Variants in ATP2B4 observed in about 807,000 individuals in gnomAD.
ATP2B4 encodes plasma membrane calcium-transporting ATPase 4.
ATP2B4 carries 39 observed loss-of-function variants against 110.3 expected under a neutral mutation model. That is an observed-to-expected ratio of 0.35 (90% CI 0.27 to 0.46). The LOEUF (loss-of-function observed/expected upper bound fraction) is 0.46. ATP2B4 is among the 20% of genes least tolerant of loss of function. ATP2B4 has a pLI of 1.00. For missense variants in ATP2B4, 1,135 were observed against 1,530.9 expected (o/e 0.74, Z 4.32); for synonymous variants, 538 against 571.7 (o/e 0.94, Z 0.84).
rs1260129932 is a variant in ATP2B4 at position 203,654,235 on chromosome 1, C to T, written c.-465+27016C>T. On this transcript the variant is annotated intron_variant, in intron 1 of 20. Transcript: ENST00000357681. ...CTGACCTCAGGTGATCTGCCCACCT[C>T]GGCCTCCCAAAGTGTTGGGATTACA... 5.3e-5 allele frequency among the ~76,000 whole-genome samples: 8 copies of T among 151,820 alleles called. No individual in the cohort carries two copies. In the South Asian group the frequency reaches 6.3e-4, roughly 12 times the overall value.
At chr1:203,683,666 C>CTTTTTTTTTTTTTTTTTTTTTTTTTT (rs11326748) in intron 2 of ATP2B4, among the ~76,000 whole-genome samples, 4 of 77,700 alleles carry the variant, frequency 5.1e-5, no homozygotes, top group Non-Finnish European at 9.4e-5. Context: ...TCTTTTGTTT[C>CTTTTTTTTTTTTTTTTTTTTTTTTTT]TTTTTTTTTT....
chr1:203,706,942 C>A (rs969221801), intron 8 of ATP2B4, 67 bp from the exon 9 acceptor site: 7 of 1,368,622 alleles, frequency 5.1e-6, no homozygotes, highest in South Asian at 1.3e-5. Flanking sequence ...TGATGCCAAT[C>A]TATCTCTGGC....
In ATP2B4 at chr1:203,711,063, G is replaced by A; in HGVS notation, c.1986G>A (p.Leu662=). 11 of 1,614,156 alleles carry A rather than the reference G, an allele frequency of 6.8e-6. No homozygotes were observed. Among genetic ancestry groups the A allele is most frequent in the Non-Finnish European group, 9.3e-6 (11 of 1,180,024 alleles). ...WDNENEILTE[L]TCIAVVGIED... The stretch of plus-strand genomic sequence containing the variant: ...ATGAGAATGAGATCCTCACCGAACT[G>A]ACCTGTATCGCGGTGGTGGGCATTG... Residue 662 remains leucine, a synonymous_variant, in exon 12 of 21, where the codon CTG becomes CTA. Coordinates refer to ENST00000357681, the MANE Select transcript of ATP2B4 (RefSeq NM_001684.5).
intron 1 of ATP2B4, among the ~76,000 whole-genome samples, chr1:203,677,562 A>T (rs1204946005): frequency 6.6e-6 from 1 of 152,172 alleles, no homozygotes; most frequent in Non-Finnish European, 1.5e-5. Context: ...TCCCAGGTTC[A>T]AGTGATTCTC....
intron 20 of ATP2B4, among the ~76,000 whole-genome samples, chr1:203,730,415 C>G (rs1666669821): frequency 6.6e-6 from 1 of 152,144 alleles, no homozygotes; most frequent in South Asian, 2.1e-4. Context: ...ACCCCACACT[C>G]CAGGCTGCTG....
rs112953233 is a variant in ATP2B4 at position 203,718,231 on chromosome 1, A to G, written c.2407-2318A>G. 8.9e-3 allele frequency among the ~76,000 whole-genome samples: 1,346 copies of G among 152,068 alleles called. 21 individuals are homozygous for G. The highest frequency in any genetic ancestry group is 0.03 in the African/African-American group (1,236 of 41,564). On this transcript the variant is annotated intron_variant, in intron 15 of 20. Transcript: ENST00000357681. ...AGAAATAATAATTTTTTAAAGAATT[A>G]TAGATGTCTAACTTCCTGATTTATA... is the stretch of plus-strand genomic sequence containing the variant.
intron 1 of ATP2B4, among the ~76,000 whole-genome samples, chr1:203,667,827 G>T (rs970381757): frequency 1.3e-5 from 2 of 152,162 alleles, no homozygotes; most frequent in African/African-American, 2.4e-5. Flanking sequence ...ACAGAGAGAG[G>T]GCCCAGTGAC....
intron 13 of ATP2B4, among the ~76,000 whole-genome samples, 179 bp from the exon 14 acceptor site, chr1:203,712,986 A>C (rs1470642028): frequency 6.6e-6 from 1 of 152,182 alleles, no homozygotes; most frequent in Non-Finnish European, 1.5e-5. Flanking sequence ...GTCATCATCC[A>C]TGAATCTACC....
intron 1 of ATP2B4, among the ~76,000 whole-genome samples, chr1:203,670,803 C>T (rs1664639482): frequency 6.6e-6 from 1 of 152,232 alleles, no homozygotes; most frequent in Non-Finnish European, 1.5e-5. Context: ...TTTAACCTCT[C>T]CTGGGGCACC....
chr1:203,664,439 C>G (rs1017092779), intron 1 of ATP2B4, among the ~76,000 whole-genome samples: 1 of 152,224 alleles, frequency 6.6e-6, no homozygotes, highest in Admixed American at 6.5e-5. Flanking sequence ...TGATCTTCAT[C>G]CAAGGGCAAG....
Position 203,698,800 on chromosome 1 carries a change from C to T in ATP2B4, c.391+446C>T, listed in dbSNP as rs371529957. Among the ~76,000 whole-genome samples the T allele has an allele frequency of 2.0e-5, 3 of 152,172 alleles. No homozygotes were observed. The East Asian group carries it at 5.8e-4, about 29-fold the overall frequency. The stretch of plus-strand genomic sequence containing the variant: ...TACAGGCGTGTGCCATCACGCCTGG[C>T]TAATTTTTGTATTTTTAGTAGAGAC... On this transcript the variant is annotated intron_variant, in intron 3 of 20. Transcript: ENST00000357681.
intron 1 of ATP2B4, among the ~76,000 whole-genome samples, chr1:203,665,055 G>A (rs1000936470): frequency 4.6e-5 from 7 of 152,096 alleles, no homozygotes; most frequent in African/African-American, 7.2e-5. Context: ...TCCTGACCTC[G>A]TGATCTGCCC....
chr1:203,696,289 G>A (rs772888795), intron 2 of ATP2B4, among the ~76,000 whole-genome samples: 11 of 152,132 alleles, frequency 7.2e-5, no homozygotes, highest in East Asian at 1.9e-4. Flanking sequence ...TGTATACCAC[G>A]TCTGCATTCC....
At chr1:203,725,304 C>T (rs1275751492) in intron 19 of ATP2B4, among the ~76,000 whole-genome samples, 1 of 151,922 alleles carries the variant, frequency 6.6e-6, no homozygotes, top group African/African-American at 2.4e-5. Context: ...CCCACCACCG[C>T]GCCCAGCTAA....
chr1:203,731,528 T>C (rs909041661), intron 20 of ATP2B4, among the ~76,000 whole-genome samples: 1 of 152,036 alleles, frequency 6.6e-6, no homozygotes, highest in African/African-American at 2.4e-5. Flanking sequence ...GTAGAGTTGA[T>C]TGAGGCCCTA....
At chr1:203,684,378 CAG>C (rs1243500339) in intron 2 of ATP2B4, among the ~76,000 whole-genome samples, 5 of 140,792 alleles carry the variant, frequency 3.6e-5, no homozygotes, top group Admixed American at 7.3e-5. Context: ...TTTTTGGAGA[CAG>C]AGTCTTGCTG....
intron 20 of ATP2B4, among the ~76,000 whole-genome samples, chr1:203,739,222 A>G (rs536236771): frequency 6.6e-6 from 1 of 152,186 alleles, no homozygotes; most frequent in South Asian, 2.1e-4. Flanking sequence ...AGAACTAATG[A>G]AACTTCTTGT....
In ATP2B4 at chr1:203,629,592, C is replaced by A. The variant is rs1663199529; in HGVS notation, c.-465+2373C>A. Among the ~76,000 whole-genome samples the A allele has an allele frequency of 6.6e-6, 1 of 152,158 alleles. No homozygotes were observed. The highest frequency in any genetic ancestry group is 1.5e-5 in the Non-Finnish European group (1 of 68,012). ...GGGGCTCGGGGCAGGATTGACTGCG[C>A]AACCCTGCGGCCCCTGTGCTCTCCG... On this transcript the variant is annotated intron_variant, in intron 1 of 20. Transcript: ENST00000357681. The surrounding 1 kb of genome is among the most constrained non-coding windows in gnomAD (Gnocchi z 4.6).
chr1:203,673,297 A>G (rs924293276), intron 1 of ATP2B4, among the ~76,000 whole-genome samples: 20 of 152,146 alleles, frequency 1.3e-4, no homozygotes, highest in African/African-American at 4.8e-4. Context: ...TCTCCAGAGG[A>G]TCCTAGTGCT....
Sources: allele counts gnomAD v4.1 joint callset (sites outside exome capture counted in the v4.1 genomes callset), GRCh38; gene constraint gnomAD v4.1.1; non-coding constraint Gnocchi (gnomAD v3.1); transcripts MANE v1.5; gene names NCBI Gene and HGNC (gene_info 2026-07-23, HGNC 2026-07-21).